The following CDK13 variants were observed in gnomAD, a reference collection of about 807,000 sequenced individuals.
CDK13 encodes the protein cyclin-dependent kinase 13.
Under a neutral mutation model 137.6 loss-of-function variants are expected in CDK13, and 40 were observed. The observed-to-expected ratio is 0.29, with a 90% CI of 0.23 to 0.38. The LOEUF (loss-of-function observed/expected upper bound fraction) is 0.38, where lower values mean the gene tolerates loss of function less well. Ranked by LOEUF, CDK13 falls within the 10% of genes least tolerant of loss-of-function variation. The probability of loss-of-function intolerance (pLI) is 1.00; values close to 1 mark genes in which losing one functional copy is unlikely to be tolerated. For missense variants in CDK13, 1,704 were observed against 1,951.8 expected, an observed-to-expected ratio of 0.87 and a Z score of 2.39; for synonymous variants, 869 against 760.1, an observed-to-expected ratio of 1.14 and a Z score of -2.36.
Position 40,094,594 on chromosome 7 carries a change from TCTC to T in CDK13, c.4154_4156del (p.Ser1385_His1386delinsTyr). 6.2e-7 allele frequency: 1 copy of T among 1,613,758 alleles called. No individual in the cohort carries two copies. The highest frequency in any genetic ancestry group is 8.5e-7 in the Non-Finnish European group (1 of 1,179,828). ...TTTGGATAACTACAGTACTGCTTCATCTCATTCTGGTGGTCCACCTCAGCCTTC... is the reference window on the plus strand; with the variant it reads ...TTTGGATAACTACAGTACTGCTTCATATTCTGGTGGTCCACCTCAGCCTTC... On this transcript the variant is annotated inframe_deletion, in exon 14 of 14. Transcript: ENST00000181839.
intron 12 of CDK13, among the ~76,000 whole-genome samples, chr7:40,090,977 G>A (rs1051458209): frequency 2.0e-5 from 3 of 152,044 alleles, no homozygotes; most frequent in South Asian, 2.1e-4. Context: ...TTGGGAGGCC[G>A]AGGTGGATGG....
intron 9 of CDK13, among the ~76,000 whole-genome samples, chr7:40,075,954 A>G (rs144280181): frequency 3.5e-4 from 53 of 152,288 alleles, no homozygotes; most frequent in Non-Finnish European, 6.6e-4. Context: ...CCAAATGTCT[A>G]TACTTTGCTA....
intron 2 of CDK13, among the ~76,000 whole-genome samples, chr7:39,993,751 A>G (rs905822922): frequency 6.6e-6 from 1 of 152,030 alleles, no homozygotes; most frequent in African/African-American, 2.4e-5. Flanking sequence ...ATTATTCGCT[A>G]TTAAACTCTC....
intron 11 of CDK13, among the ~76,000 whole-genome samples, chr7:40,085,472 C>G (rs1786768901): frequency 6.6e-6 from 1 of 152,060 alleles, no homozygotes; most frequent in African/African-American, 2.4e-5. Flanking sequence ...TGGGGCTGTC[C>G]TTCAAGAGCA....
rs1369213222 is a variant in CDK13 at position 40,084,220 on chromosome 7, C to T, written c.3030-3906C>T. Among the ~76,000 whole-genome samples, 3 of 152,032 alleles carry T rather than the reference C, an allele frequency of 2.0e-5. 1 individual carries two copies. Among genetic ancestry groups the T allele is most frequent in the Non-Finnish European group, 4.4e-5 (3 of 68,024 alleles). On this transcript the variant is annotated intron_variant, in intron 11 of 13. Coordinates refer to ENST00000181839, the MANE Select transcript of CDK13 (RefSeq NM_003718.5). ...ATTAGGCCGGGCGCAGTGGCTCACA[C>T]CTGTAATCACAGCAGTTTGGGAGGC...
At chr7:40,092,292 C>G (rs1007160751) in intron 12 of CDK13, 1 of 155,560 alleles carries the variant, frequency 6.4e-6, no homozygotes, top group Non-Finnish European at 1.4e-5. Flanking sequence ...GATCTCACCT[C>G]TGCCACTTAC....
At chr7:40,079,936 G>C (rs1361546935) in intron 11 of CDK13, among the ~76,000 whole-genome samples, 1 of 152,084 alleles carries the variant, frequency 6.6e-6, no homozygotes, top group East Asian at 1.9e-4. Context: ...ACGTTCATTT[G>C]CATTCCTTGA....
intron 5 of CDK13, among the ~76,000 whole-genome samples, chr7:40,009,874 C>T (rs997639727): frequency 6.6e-6 from 1 of 152,056 alleles, no homozygotes; most frequent in Non-Finnish European, 1.5e-5. Context: ...GGCAATTAGT[C>T]AAGAAACTGA....
chr7:39,961,242 C>G (rs1787610983), intron 1 of CDK13, among the ~76,000 whole-genome samples: 1 of 151,928 alleles, frequency 6.6e-6, no homozygotes, highest in African/African-American at 2.4e-5. Flanking sequence ...GCCTGTAGAC[C>G]CCAACTACTC....
rs199896416 is a variant in CDK13 at position 39,951,678 on chromosome 7, G to A, written c.1037G>A (p.Gly346Asp). The change falls in exon 1 of 14, where the codon GGT becomes GAT. Residue 346 changes from glycine (G) to aspartate (D), a missense_variant. This residue lies in a region of CDK13 where 1,051 missense variants were observed against 931.0 expected (regional missense o/e 1.13). Coordinates refer to ENST00000181839, the MANE Select transcript of CDK13 (RefSeq NM_003718.5). ...RSRKSPSPAG[G>D]GSSPYSRRLP... is the part of the protein sequence containing the mutation. The stretch of plus-strand genomic sequence containing the variant: ...CGCAAGTCCCCCAGCCCGGCAGGAG[G>A]TGGCAGCAGCCCCTATTCTCGGCGG... The A allele has an allele frequency of 2.0e-6, 3 of 1,468,440 alleles. No individual in the cohort carries two copies. The highest frequency in any genetic ancestry group is 2.7e-5 in the East Asian group (1 of 37,490). 91.0% of individuals were successfully genotyped at this position (1,468,440 alleles called of 1,614,324 possible).
intron 1 of CDK13, among the ~76,000 whole-genome samples, chr7:39,967,903 A>T (rs557802438): frequency 6.6e-4 from 101 of 152,028 alleles, no homozygotes; most frequent in Non-Finnish European, 1.2e-3. Context: ...TAAAAAAAAA[A>T]ATTGAGATGG....
intron 5 of CDK13, among the ~76,000 whole-genome samples, chr7:40,044,879 G>A (rs576474796): frequency 6.6e-5 from 10 of 151,460 alleles, no homozygotes; most frequent in Non-Finnish European, 1.0e-4. Flanking sequence ...CTCATGATCC[G>A]CCCACCTTGG....
chr7:40,092,603 T>C (rs1786948560), intron 12 of CDK13, 182 bp from the exon 13 acceptor site: 1 of 558,956 alleles, frequency 1.8e-6, no homozygotes, highest in Non-Finnish European at 3.1e-6. Context: ...GTTCTTTTTA[T>C]GTACAGGTAC....
At chr7:40,061,091 GC>G (rs2150525839) in intron 7 of CDK13, 1 of 151,938 alleles carries the variant, frequency 6.6e-6, no homozygotes, top group Admixed American at 6.6e-5. Flanking sequence ...GGGCGGGGGG[GC>G]TAAAGCATAA....
chr7:40,003,917 C>G (rs1298971680), intron 5 of CDK13, among the ~76,000 whole-genome samples: 2 of 152,212 alleles, frequency 1.3e-5, no homozygotes, highest in African/African-American at 4.8e-5. Context: ...CCTGATCAGT[C>G]TTCCCACTTT....
At position 40,045,894 on chromosome 7, in the gene CDK13, A is replaced by G. The variant is rs768027976; in HGVS notation, c.2412A>G (p.Ser804=). The change falls in exon 6 of 14, where the codon TCA becomes TCG. Residue 804 remains serine (S), a synonymous_variant. Coordinates refer to ENST00000181839, the MANE Select transcript of CDK13 (RefSeq NM_003718.5). The part of the protein sequence containing the change: ...MDHDLMGLLE[S]GLVHFNENHI... ...ATGATCTGATGGGACTACTGGAATCAGGCTTGGTTCATTTTAATGAAAATC... is the reference window on the plus strand; with the variant it reads ...ATGATCTGATGGGACTACTGGAATCGGGCTTGGTTCATTTTAATGAAAATC... The G allele has an allele frequency of 8.5e-5, 137 of 1,613,028 alleles. 1 individual carries two copies. The South Asian group carries it at 1.1e-3, about 13-fold the overall frequency.
At chr7:39,952,142 G>T (rs1423360598) in intron 1 of CDK13, 3 of 311,118 alleles carry the variant, frequency 9.6e-6, no homozygotes, top group African/African-American at 4.3e-5. Flanking sequence ...GTGTTAACAG[G>T]TTTCTCTCAG....
chr7:40,003,196 A>ACT (rs1181645921), intron 5 of CDK13, among the ~76,000 whole-genome samples: 2,752 of 107,102 alleles, frequency 0.026, 34 homozygotes, highest in Middle Eastern at 0.042. Flanking sequence ...ACACACACAC[A>ACT]CACACACACA....
At chr7:40,074,649 G>C (rs1487803990) in intron 9 of CDK13, among the ~76,000 whole-genome samples, 1 of 151,948 alleles carries the variant, frequency 6.6e-6, no homozygotes, top group Non-Finnish European at 1.5e-5. Flanking sequence ...TTGAGGCTAG[G>C]AGTTTGAGGC....
Sources: gnomAD v4.1 joint callset for allele counts (sites outside exome capture counted in the v4.1 genomes callset) on GRCh38, gnomAD v4.1.1 for gene constraint, gnomAD v4.1.1 regional missense constraint, MANE v1.5 for transcripts, NCBI Gene and HGNC (gene_info 2026-07-23, HGNC 2026-07-21) for gene names.